ITGB4: variants seen among roughly 807,000 people sequenced by gnomAD.
The protein encoded by ITGB4 is integrin beta-4.
ITGB4 carries 159 observed loss-of-function variants against 207.6 expected under a neutral mutation model. The observed-to-expected ratio is 0.77, with a 90% CI of 0.67 to 0.87. ITGB4 has a LOEUF of 0.87. Ranked by LOEUF, ITGB4 falls within the 40% of genes least tolerant of loss-of-function variation. The probability of loss-of-function intolerance (pLI) is 0.00; values close to 1 mark genes in which losing one functional copy is unlikely to be tolerated. For synonymous variants in ITGB4, 1,020 were observed against 1,062.7 expected (o/e 0.96, Z 0.78); for missense variants, 2,278 against 2,546.8 (o/e 0.89, Z 2.27).
Position 75,739,826 on chromosome 17 carries a change from G to A in ITGB4, c.2255-54G>A. Reference sequence around the variant, plus strand: ...AGGCTCTGGGGTCCCACCTGAAGAGGTTGGGCTGTGCGGGTCTAGGGAGGG... The same window carrying A: ...AGGCTCTGGGGTCCCACCTGAAGAGATTGGGCTGTGCGGGTCTAGGGAGGG... On this transcript the variant is annotated intron_variant, in intron 19 of 39. Transcript: ENST00000200181. The surrounding 1 kb of genome is among the most constrained non-coding windows in gnomAD (Gnocchi z 5.4). The A allele has an allele frequency of 6.2e-7, 1 of 1,610,984 alleles. No homozygotes were observed. Among genetic ancestry groups the A allele is most frequent in the South Asian group, 1.1e-5 (1 of 91,014 alleles).
chr17:75,756,590 C>T lies in ITGB4; in HGVS notation c.4870C>T (p.Pro1624Ser). Residue 1624 changes from proline to serine, a missense_variant, in exon 36 of 40, where the codon CCG becomes TCG. Physicochemically the swap from Pro to Ser is moderately conservative, Grantham distance 74 (BLOSUM62 -1). Coordinates refer to ENST00000200181, the MANE Select transcript of ITGB4 (RefSeq NM_000213.5). ...CATCACCATTGAATCCCAGGTGCACCCGCAGAGCCCACTGTGTCCCCTGCC... is the reference window on the plus strand; with the variant it reads ...CATCACCATTGAATCCCAGGTGCACTCGCAGAGCCCACTGTGTCCCCTGCC... Reference protein sequence around the residue: ...GVITIESQVHPQSPLCPLPGS... With the variant: ...GVITIESQVHSQSPLCPLPGS... The T allele has an allele frequency of 1.2e-6, 2 of 1,612,912 alleles. No homozygotes were observed. Among genetic ancestry groups the T allele is most frequent in the Non-Finnish European group, 1.7e-6 (2 of 1,179,956 alleles).
chr17:75,742,239 C>A lies in ITGB4; in HGVS notation c.2634-102C>A. On this transcript the variant is annotated intron_variant, in intron 23 of 39. Coordinates refer to ENST00000200181, the MANE Select transcript of ITGB4 (RefSeq NM_000213.5). This position sits in a 1 kb window ranked among gnomAD's most constrained non-coding sequence, Gnocchi z 5.9. ...CTGAAGACCCTGCACTTCTTGCTGT[C>A]TTACATCCTGGCCCCTGAAGGGGAG... 6.8e-7 allele frequency: 1 copy of A among 1,467,556 alleles called. No individual in the cohort carries two copies. The highest frequency in any genetic ancestry group is 1.2e-5 in the South Asian group (1 of 84,644). The allele number at this position is 1,467,556 out of a possible 1,614,324, so 90.9% of individuals were successfully genotyped here. A position where few individuals can be genotyped will look rare whatever the true frequency, so the allele number is the denominator to read the frequency against.
chr17:75,749,237 T>G (rs2061309399), intron 27 of ITGB4, among the ~76,000 whole-genome samples, 192 bp downstream of exon 27: 1 of 151,722 alleles, frequency 6.6e-6, no homozygotes, highest in Non-Finnish European at 1.5e-5. Context: ...TCCTTTTTTT[T>G]GCAAAATGGG....
Position 75,755,697 on chromosome 17 carries a change from CCA to C in ITGB4, c.4559-3_4559-2del. The C allele has an allele frequency of 6.2e-7, 1 of 1,612,892 alleles. No homozygotes were observed. Among genetic ancestry groups the C allele is most frequent in the Non-Finnish European group, 8.5e-7 (1 of 1,179,946 alleles). ...TCTGGCTGACTGCGGCCTCCTGTCC[CCA>C]GACTCTCGCCTGACTGCTGGTGTGC... On this transcript the variant is annotated splice_acceptor_variant and splice_polypyrimidine_tract_variant and intron_variant, in intron 34 of 39. Transcript: ENST00000200181. LOFTEE classifies it high-confidence loss of function.
At position 75,737,676 on chromosome 17, in the gene ITGB4, C is replaced by T. The variant is rs1242511576; in HGVS notation, c.2220+32C>T. The T allele has an allele frequency of 3.8e-6, 6 of 1,576,596 alleles. No homozygotes were observed. The East Asian group carries it at 9.0e-5, about 24-fold the overall frequency. ...ACCCAGGGTGCCTCCCAAGGCCCCA[C>T]ATCCCAGGGTCCCCACCCCAACAGG... On this transcript the variant is annotated intron_variant, in intron 18 of 39. Coordinates refer to ENST00000200181, the MANE Select transcript of ITGB4 (RefSeq NM_000213.5).
chr17:75,749,177 T>C, intron 27 of ITGB4, 132 bp downstream of exon 27: 2 of 760,604 alleles, frequency 2.6e-6, no homozygotes, highest in Non-Finnish European at 4.4e-6. Flanking sequence ...GTAAACAACA[T>C]ACACGTTGGT....
At position 75,750,342 on chromosome 17, in the gene ITGB4, G is replaced by A. The variant is rs1232969827; in HGVS notation, c.3474+74G>A. On this transcript the variant is annotated intron_variant, in intron 28 of 39. Transcript: ENST00000200181. This position sits in a 1 kb window ranked among gnomAD's most constrained non-coding sequence, Gnocchi z 5.5. ...CCAGCACTCACAGAAGAGGTGGGCC[G>A]TCCAAGGCCAGGGCCCCCTGAGAGA... The A allele has an allele frequency of 4.9e-5, 73 of 1,490,966 alleles. No homozygotes were observed. The highest frequency in any genetic ancestry group is 1.5e-4 in the South Asian group (12 of 78,140). The allele number at this position is 1,490,966 out of a possible 1,614,324, so 92.4% of individuals were successfully genotyped here. A position where few individuals can be genotyped will look rare whatever the true frequency, so the allele number is the denominator to read the frequency against.
intron 26 of ITGB4, among the ~76,000 whole-genome samples, chr17:75,744,308 C>T (rs1033585594): frequency 2.0e-5 from 3 of 151,778 alleles, no homozygotes; most frequent in Non-Finnish European, 4.4e-5. Context: ...TTAGTAGAGA[C>T]GGGGTTTCTC....
intron 2 of ITGB4, among the ~76,000 whole-genome samples, chr17:75,725,003 C>T (rs1217043357): frequency 6.6e-6 from 1 of 152,232 alleles, no homozygotes; most frequent in Non-Finnish European, 1.5e-5. Flanking sequence ...GCGAAGGAGG[C>T]TGTGTCTAGA....
chr17:75,731,137 G>A lies in ITGB4; in HGVS notation c.1093-109G>A. 1 of 1,579,942 alleles carries A rather than the reference G, an allele frequency of 6.3e-7. No individual in the cohort carries two copies. The highest frequency in any genetic ancestry group is 8.6e-7 in the Non-Finnish European group (1 of 1,157,302). Reference sequence around the variant, plus strand: ...CGAGGGGCCACCTGGGCCTGGCCCTGGCTCCTGCAGGCTCTGTGATACCCC... The same window carrying A: ...CGAGGGGCCACCTGGGCCTGGCCCTAGCTCCTGCAGGCTCTGTGATACCCC... On this transcript the variant is annotated intron_variant, in intron 9 of 39. Transcript: ENST00000200181. The surrounding 1 kb of genome is among the most constrained non-coding windows in gnomAD (Gnocchi z 6.8).
chr17:75,746,527 G>A (rs946832798), intron 26 of ITGB4, among the ~76,000 whole-genome samples: 9 of 150,956 alleles, frequency 6.0e-5, no homozygotes, highest in African/African-American at 7.3e-5. Flanking sequence ...CACCGCGCCC[G>A]GCCATTTTAT....
Position 75,732,246 on chromosome 17 carries a change from G to A in ITGB4, c.1454+7G>A. On this transcript the variant is annotated splice_region_variant and intron_variant, in intron 12 of 39. Transcript: ENST00000200181. This position sits in a 1 kb window ranked among gnomAD's most constrained non-coding sequence, Gnocchi z 5.3. ...GTGTGTGCAGCGAGGGCTGGTGAGT[G>A]GGGAAGGGAGTTGGGCACCCAGGAC... The A allele has an allele frequency of 6.2e-7, 1 of 1,613,794 alleles. No homozygotes were observed. Among genetic ancestry groups the A allele is most frequent in the Non-Finnish European group, 8.5e-7 (1 of 1,179,912 alleles).
chr17:75,733,393 A>C, intron 12 of ITGB4, 97 bp from the exon 13 acceptor site: 2 of 1,073,644 alleles, frequency 1.9e-6, no homozygotes, highest in Non-Finnish European at 2.6e-6. Context: ...CTCAAAAAAA[A>C]AAATAAAATA....
chr17:75,736,435 G>A (rs769599893), intron 15 of ITGB4, 49 bp downstream of exon 15: 1 of 1,609,892 alleles, frequency 6.2e-7, no homozygotes, highest in South Asian at 1.1e-5. Context: ...GGCAGGCACA[G>A]GGCAGTGTGG....
At chr17:75,753,735 G>A in intron 32 of ITGB4, 30 bp from the exon 33 acceptor site, 1 of 1,372,542 alleles carries the variant, frequency 7.3e-7, no homozygotes, top group Admixed American at 2.8e-5. Flanking sequence ...CCCCCCGGCG[G>A]TGCCAACGCG....
intron 35 of ITGB4, among the ~76,000 whole-genome samples, 175 bp downstream of exon 35, chr17:75,756,025 C>T (rs1194003964): frequency 1.3e-5 from 2 of 152,228 alleles, no homozygotes; most frequent in African/African-American, 4.8e-5. Flanking sequence ...TCTTTGCCTC[C>T]CCTCTTCTGA....
Position 75,730,250 on chromosome 17 carries a change from G to T in ITGB4, c.748G>T (p.Gly250Cys). 3 of 1,612,884 alleles carry T rather than the reference G, an allele frequency of 1.9e-6. No individual in the cohort carries two copies. The highest frequency in any genetic ancestry group is 2.5e-6 in the Non-Finnish European group (3 of 1,179,894). ...GCCTTGCCTTCCCCAGAGGGACATT[G>T]GCTGGCGCCCGGACAGCACCCACCT... ...LQTAVCTRDI[G>C]WRPDSTHLLV... Residue 250 changes from glycine to cysteine, a missense_variant, in exon 8 of 40, where the codon GGC becomes TGC. Coordinates refer to ENST00000200181, the MANE Select transcript of ITGB4 (RefSeq NM_000213.5).
At chr17:75,734,125 CTGT>C (rs1462279120) in intron 13 of ITGB4, among the ~76,000 whole-genome samples, 39 of 118,392 alleles carry the variant, frequency 3.3e-4, no homozygotes, top group African/African-American at 1.3e-3. Context: ...GTTGTTGCTG[CTGT>C]TTTTTTTTTT....
intron 13 of ITGB4, among the ~76,000 whole-genome samples, chr17:75,735,248 C>T (rs1011053802): frequency 6.6e-5 from 10 of 151,828 alleles, no homozygotes; most frequent in Admixed American, 6.6e-4. Context: ...CCACCAAGCC[C>T]AGCTAATTTT....
Sources: gnomAD v4.1 joint callset for allele counts (sites outside exome capture counted in the v4.1 genomes callset) on GRCh38, gnomAD v4.1.1 for gene constraint, Gnocchi (gnomAD v3.1) non-coding constraint, MANE v1.5 for transcripts, NCBI Gene and HGNC (gene_info 2026-07-23, HGNC 2026-07-21) for gene names.